KRR1: variants seen among roughly 807,000 people sequenced by gnomAD.
The protein encoded by KRR1 is KRR1 small subunit processome component homolog.
Under a neutral mutation model 50.0 loss-of-function variants are expected in KRR1, and 23 were observed. The observed-to-expected ratio is 0.46, with a 90% CI of 0.33 to 0.65. KRR1 has a LOEUF of 0.65. Among genes scored for constraint, KRR1 ranks in the 30% least tolerant of loss-of-function variants. KRR1 has a pLI of 0.02. For synonymous variants in KRR1, 133 were observed against 146.3 expected (o/e 0.91, Z 0.66); for missense variants, 419 against 442.4 (o/e 0.95, Z 0.47).
chr12:75,498,511 A>G lies in KRR1; in HGVS notation c.*1298T>C. 1 of 536,352 alleles carries G rather than the reference A, an allele frequency of 1.9e-6. No individual in the cohort carries two copies. Among genetic ancestry groups the G allele is most frequent in the East Asian group, 2.9e-5 (1 of 34,232 alleles). 33.2% of individuals were successfully genotyped at this position (536,352 alleles called of 1,614,324 possible). A position where few individuals can be genotyped will look rare whatever the true frequency, so the allele number is the denominator to read the frequency against. Reference sequence around the variant, plus strand: ...TTTATAAAGTTTATGTAAAAAGTCAACTTAAAAATACCAAGTTAATTCAGT... The same window carrying G: ...TTTATAAAGTTTATGTAAAAAGTCAGCTTAAAAATACCAAGTTAATTCAGT... On this transcript the variant is annotated 3_prime_UTR_variant, in exon 10 of 10. Transcript: ENST00000229214.
chr12:75,508,935 C>CTGGT (rs1208883724), intron 1 of KRR1, among the ~76,000 whole-genome samples: 1 of 152,180 alleles, frequency 6.6e-6, no homozygotes, highest in Non-Finnish European at 1.5e-5. Flanking sequence ...TTAATAATCA[C>CTGGT]TGGTAATTCT....
At position 75,492,002 on chromosome 12, in the gene KRR1, A is replaced by G. The variant is rs1266145385; in HGVS notation, c.*7807T>C. ...CGTCATTCTGAAGATGACAGCTTTG[A>G]CTTAATATCTTAAGAGTTGGAAAAT... On this transcript the variant is annotated 3_prime_UTR_variant, in exon 10 of 10. Transcript: ENST00000229214. 2.0e-5 allele frequency: 3 copies of G among 152,086 alleles called. No homozygotes were observed. Among genetic ancestry groups the G allele is most frequent in the Non-Finnish European group, 4.4e-5 (3 of 68,024 alleles). 9.4% of individuals were successfully genotyped at this position (152,086 alleles called of 1,614,324 possible).
chr12:75,499,132 ACT>A lies in KRR1; in HGVS notation c.*675_*676del. ...CTTACTCAAAAGAAGAAATTTCCTA[ACT>A]CTATCAGATAAACTCATCTTTAGTA... On this transcript the variant is annotated 3_prime_UTR_variant, in exon 10 of 10. Coordinates refer to ENST00000229214, the MANE Select transcript of KRR1 (RefSeq NM_007043.7). 2 of 483,078 alleles carry A rather than the reference ACT, an allele frequency of 4.1e-6. No individual in the cohort carries two copies. Among genetic ancestry groups the A allele is most frequent in the South Asian group, 7.6e-5 (2 of 26,240 alleles). The allele number at this position is 483,078 out of a possible 1,614,324, so 29.9% of individuals were successfully genotyped here. A position where few individuals can be genotyped will look rare whatever the true frequency, so the allele number is the denominator to read the frequency against.
Position 75,499,847 on chromosome 12 carries a change from T to A in KRR1, c.1108A>T (p.Met370Leu). ...ALTAEEIALK[M>L]EADEKKKKKK... is the part of the protein sequence containing the mutation. ...TTCTTTTTCTTTTCATCTGCCTCCA[T>A]CTTAAGTGCAATTTCTTCAGCTGTA... The change falls in exon 10 of 10, where the codon ATG (methionine) becomes TTG (leucine). Residue 370 changes from methionine (M) to leucine (L), a missense_variant. Physicochemically the swap from Met to Leu is conservative, Grantham distance 15 (BLOSUM62 2). Transcript: ENST00000229214. 1.2e-6 allele frequency: 2 copies of A among 1,607,868 alleles called. No homozygotes were observed.
chr12:75,508,195 AAG>A, intron 2 of KRR1, 77 bp downstream of exon 2: 1 of 1,001,432 alleles, frequency 1.0e-6, no homozygotes, highest in South Asian at 2.3e-5. Flanking sequence ...AAAAAAAAAA[AAG>A]CATTAGCATA....
intron 1 of KRR1, among the ~76,000 whole-genome samples, chr12:75,511,297 C>A (rs951290591): frequency 6.6e-6 from 1 of 152,196 alleles, no homozygotes; most frequent in African/African-American, 2.4e-5. Context: ...GCTTTGGGGA[C>A]CCTTTAGCAA....
At chr12:75,506,220 G>T (rs1169425582) in intron 5 of KRR1, 96 bp downstream of exon 5, 9 of 707,934 alleles carry the variant, frequency 1.3e-5, no homozygotes, top group Non-Finnish European at 2.0e-5. Flanking sequence ...ACATTCTAAA[G>T]AAATAAAATT....
Position 75,496,020 on chromosome 12 carries a change from T to TTTTTTTTG in KRR1, c.*3788_*3789insCAAAAAAA. The TTTTTTTTG allele has an allele frequency of 5.9e-6, 1 of 168,946 alleles. No homozygotes were observed. Among genetic ancestry groups the TTTTTTTTG allele is most frequent in the Non-Finnish European group, 1.3e-5 (1 of 79,316 alleles). The allele number at this position is 168,946 out of a possible 1,614,324, so 10.5% of individuals were successfully genotyped here. On this transcript the variant is annotated 3_prime_UTR_variant, in exon 10 of 10. Transcript: ENST00000229214. ...TCGTTTTTTTTTTTGTTTTTTTTTT[T>TTTTTTTTG]TGAGACAGAGTCTTGCTCTGTCACC...
At chr12:75,509,561 G>A (rs1339309737) in intron 1 of KRR1, among the ~76,000 whole-genome samples, 3 of 149,408 alleles carry the variant, frequency 2.0e-5, no homozygotes, top group Non-Finnish European at 4.5e-5. Context: ...CCACAAAAGT[G>A]ATTACTTATA....
At chr12:75,500,526 T>A (rs1286067563) in intron 9 of KRR1, 1 of 151,968 alleles carries the variant, frequency 6.6e-6, no homozygotes, top group Non-Finnish European at 1.5e-5. Context: ...ATTCATTGAA[T>A]ATTAATTCAA....
Position 75,506,359 on chromosome 12 carries a change from C to T in KRR1, c.560G>A (p.Gly187Glu). Residue 187 changes from glycine to glutamate, a missense_variant, in exon 5 of 10, where the codon GGA becomes GAA. By Grantham distance (98) the Gly-to-Glu change is moderately conservative (BLOSUM62 -2). Transcript: ENST00000229214. The part of the protein sequence containing the change: ...LLTNCYIMVQ[G>E]NTVSAIGPFS... ...AGGTCCAATGGCTGAAACTGTGTTT[C>T]CCTGAACCATAATGTAACAATTAGT... 6.2e-7 allele frequency: 1 copy of T among 1,612,260 alleles called. No homozygotes were observed. The highest frequency in any genetic ancestry group is 8.5e-7 in the Non-Finnish European group (1 of 1,179,056).
In KRR1 at chr12:75,506,578, C is replaced by T; in HGVS notation, c.425G>A (p.Cys142Tyr). ...AVRILQDDVA[C>Y]DIIKIGSLVR... ...TAAAGAACCTATTTTAATGATGTCACATGCAACATCATCCTGAAGAATTCG... is the reference window on the plus strand; with the variant it reads ...TAAAGAACCTATTTTAATGATGTCATATGCAACATCATCCTGAAGAATTCG... Residue 142 changes from cysteine to tyrosine, a missense_variant, in exon 4 of 10, where the codon TGT (cysteine) becomes TAT (tyrosine). Cys to Tyr is a radical substitution (Grantham distance 194, BLOSUM62 -2). Coordinates refer to ENST00000229214, the MANE Select transcript of KRR1 (RefSeq NM_007043.7). The T allele has an allele frequency of 6.7e-7, 1 of 1,501,940 alleles. No individual in the cohort carries two copies. The highest frequency in any genetic ancestry group is 9.0e-7 in the Non-Finnish European group (1 of 1,112,612). The allele number at this position is 1,501,940 out of a possible 1,614,324, so 93.0% of individuals were successfully genotyped here. A position where few individuals can be genotyped will look rare whatever the true frequency, so the allele number is the denominator to read the frequency against.
In KRR1 at chr12:75,494,320, C is replaced by T. The variant is rs1253193450; in HGVS notation, c.*5489G>A. The T allele has an allele frequency of 6.6e-6, 1 of 152,058 alleles. No homozygotes were observed. Among genetic ancestry groups the T allele is most frequent in the Non-Finnish European group, 1.5e-5 (1 of 67,986 alleles). The allele number at this position is 152,058 out of a possible 1,614,324, so 9.4% of individuals were successfully genotyped here. On this transcript the variant is annotated 3_prime_UTR_variant, in exon 10 of 10. Coordinates refer to ENST00000229214, the MANE Select transcript of KRR1 (RefSeq NM_007043.7). Reference sequence around the variant, plus strand: ...CTAACCTCTATTAAAAATAACATTTCCTTTCATTATGAATGAAGACAACAC... The same window carrying T: ...CTAACCTCTATTAAAAATAACATTTTCTTTCATTATGAATGAAGACAACAC...
In KRR1 at chr12:75,491,478, T is replaced by C. The variant is rs1359925640; in HGVS notation, c.*8331A>G. On this transcript the variant is annotated 3_prime_UTR_variant, in exon 10 of 10. Coordinates refer to ENST00000229214, the MANE Select transcript of KRR1 (RefSeq NM_007043.7). The stretch of plus-strand genomic sequence containing the variant: ...TTAATATATGATGAACAACCTCATA[T>C]ATGTATCTTCAGTCACTTCTATTTC... 1.3e-5 allele frequency: 2 copies of C among 152,254 alleles called. No homozygotes were observed. The highest frequency in any genetic ancestry group is 4.8e-5 in the African/African-American group (2 of 41,466). The allele number at this position is 152,254 out of a possible 1,614,324, so 9.4% of individuals were successfully genotyped here.
Position 75,503,970 on chromosome 12 carries a change from C to T in KRR1, c.765G>A (p.Lys255=), listed in dbSNP as rs2046411035. The change falls in exon 7 of 10, where the codon AAG becomes AAA. Residue 255 remains lysine (K), a synonymous_variant. Transcript: ENST00000229214. ...QFKHKNVNKR[K]EPKKKTVKKE... is the part of the protein sequence containing the mutation. Reference sequence around the variant, plus strand: ...TCTTAACAGTTTTTTTCTTTGGTTCCTTGCGTTTATTCACATTTTTGTGTT... The same window carrying T: ...TCTTAACAGTTTTTTTCTTTGGTTCTTTGCGTTTATTCACATTTTTGTGTT... 1 of 1,611,698 alleles carries T rather than the reference C, an allele frequency of 6.2e-7. No homozygotes were observed. The highest frequency in any genetic ancestry group is 1.7e-5 in the Admixed American group (1 of 59,842).
chr12:75,500,436 A>C lies in KRR1; in HGVS notation c.1004-485T>G, dbSNP rs529867734. 2.6e-5 allele frequency: 4 copies of C among 152,092 alleles called. 1 individual carries two copies. The South Asian group carries it at 8.3e-4, about 32-fold the overall frequency. 9.4% of individuals were successfully genotyped at this position (152,092 alleles called of 1,614,324 possible). The stretch of plus-strand genomic sequence containing the variant: ...CAAAATCTACTTCCTCTAATATCAA[A>C]ACGAAAATTTAAAGTTTTCCAAATA... On this transcript the variant is annotated intron_variant, in intron 9 of 9. Transcript: ENST00000229214.
chr12:75,495,501 A>T lies in KRR1; in HGVS notation c.*4308T>A. 1.3e-6 allele frequency: 1 copy of T among 743,258 alleles called. No individual in the cohort carries two copies. The highest frequency in any genetic ancestry group is 2.4e-6 in the Non-Finnish European group (1 of 410,874). The allele number at this position is 743,258 out of a possible 1,614,324, so 46.0% of individuals were successfully genotyped here. ...TTCACTCCACTATTCTTCTGGATTT[A>T]GTTAAGGATTCATAGTAAATTGCAA... On this transcript the variant is annotated 3_prime_UTR_variant, in exon 10 of 10. Coordinates refer to ENST00000229214, the MANE Select transcript of KRR1 (RefSeq NM_007043.7).
rs546874876 is a variant in KRR1, at chr12:75,499,899, T to C, written c.1056A>G (p.Lys352=). ...DVASIKEKVK[K]AKNKKLGALT... ...GAGCTCCCAGTTTCTTATTCTTTGC[T>C]TTCTTAACCTTTTCCTTGATGCTGG... The change falls in exon 10 of 10, where the codon AAA becomes AAG. Residue 352 remains lysine (K), a synonymous_variant. Transcript: ENST00000229214. 6.2e-7 allele frequency: 1 copy of C among 1,610,034 alleles called. No individual in the cohort carries two copies. Among genetic ancestry groups the C allele is most frequent in the African/African-American group, 1.3e-5 (1 of 74,842 alleles).
chr12:75,510,665 A>G lies in KRR1; in HGVS notation c.85+848T>C, dbSNP rs1049018141. On this transcript the variant is annotated intron_variant, in intron 1 of 9. Coordinates refer to ENST00000229214, the MANE Select transcript of KRR1 (RefSeq NM_007043.7). The stretch of plus-strand genomic sequence containing the variant: ...ACAGGAAAAGAGAATATGATCTGAG[A>G]GGTGCACGTAAGGGTTTGAGGGGTA... Among the ~76,000 whole-genome samples the G allele has an allele frequency of 2.0e-4, 30 of 152,292 alleles. No homozygotes were observed. The East Asian group carries it at 5.6e-3, about 28-fold the overall frequency.
Sources: gnomAD v4.1 joint callset for allele counts (sites outside exome capture counted in the v4.1 genomes callset) on GRCh38, gnomAD v4.1.1 for gene constraint, MANE v1.5 for transcripts, NCBI Gene and HGNC (gene_info 2026-07-23, HGNC 2026-07-21) for gene names.